ZDHHC21: variants seen among roughly 807,000 people sequenced by gnomAD.
ZDHHC21 encodes zDHHC palmitoyltransferase 21.
A neutral mutation model predicts 34.6 loss-of-function variants in ZDHHC21; 15 were observed. That is an observed-to-expected ratio of 0.43 (90% CI 0.29 to 0.67). ZDHHC21 has a LOEUF of 0.67. Among genes scored for constraint, ZDHHC21 ranks in the 30% least tolerant of loss-of-function variants. The pLI, the probability that ZDHHC21 is intolerant of heterozygous loss-of-function variation, is 0.14. For synonymous variants in ZDHHC21, 142 were observed against 101.8 expected, an observed-to-expected ratio of 1.40 and a Z score of -2.38; for missense variants, 344 against 327.7, an observed-to-expected ratio of 1.05 and a Z score of -0.38.
intron 6 of ZDHHC21, among the ~76,000 whole-genome samples, chr9:14,660,529 T>C (rs1833195505): frequency 6.6e-6 from 1 of 152,162 alleles, no homozygotes; most frequent in Non-Finnish European, 1.5e-5. Flanking sequence ...CAATTTACAC[T>C]GTACATTTCC....
At chr9:14,684,403 C>G (rs1837938850) in intron 2 of ZDHHC21, among the ~76,000 whole-genome samples, 1 of 147,988 alleles carries the variant, frequency 6.8e-6, no homozygotes, top group Non-Finnish European at 1.5e-5. Flanking sequence ...TCTTATACAC[C>G]AACAACAGAC....
chr9:14,678,621 T>G (rs576877211), intron 3 of ZDHHC21, among the ~76,000 whole-genome samples: 1 of 152,138 alleles, frequency 6.6e-6, no homozygotes, highest in Admixed American at 6.6e-5. Context: ...TTTGGCAGTA[T>G]GTATCAAAAG....
intron 8 of ZDHHC21, among the ~76,000 whole-genome samples, chr9:14,633,321 C>G (rs377263470): frequency 6.6e-6 from 1 of 152,134 alleles, no homozygotes; most frequent in Non-Finnish European, 1.5e-5. Flanking sequence ...CATGGAGAGG[C>G]TCCCCAGTGC....
rs535888950 is a variant in ZDHHC21, at chr9:14,640,906, T to TACCA, written c.505-898_505-895dup. ...AAAGCATTTCATTTACTCTCACTGT[T>TACCA]ACCAACCAACCAGACCAGAGGAAGG... On this transcript the variant is annotated intron_variant, in intron 7 of 9. Coordinates refer to ENST00000380916, the MANE Select transcript of ZDHHC21 (RefSeq NM_178566.6). Among the ~76,000 whole-genome samples the TACCA allele has an allele frequency of 2.5e-3, 382 of 152,248 alleles. 7 individuals are homozygous for TACCA. The highest frequency in any genetic ancestry group is 8.7e-3 in the African/African-American group (362 of 41,556).
intron 8 of ZDHHC21, among the ~76,000 whole-genome samples, chr9:14,637,697 T>A (rs1463028783): frequency 6.6e-6 from 1 of 151,870 alleles, no homozygotes; most frequent in African/African-American, 2.4e-5. Context: ...GGATACAAAA[T>A]CAGCATACAA....
intron 8 of ZDHHC21, among the ~76,000 whole-genome samples, chr9:14,636,393 G>C (rs1195664278): frequency 6.6e-6 from 1 of 152,122 alleles, no homozygotes; most frequent in Non-Finnish European, 1.5e-5. Flanking sequence ...CCCAACACCA[G>C]AGTACCCAGA....
intron 5 of ZDHHC21, 21 bp from the exon 6 acceptor site, chr9:14,662,347 T>C (rs768601199): frequency 8.9e-6 from 14 of 1,572,416 alleles, no homozygotes; most frequent in Non-Finnish European, 1.1e-5. Flanking sequence ...GAAATTAAAA[T>C]CCATTTAATG....
chr9:14,656,998 A>G (rs1009909635), intron 7 of ZDHHC21, among the ~76,000 whole-genome samples: 1 of 151,938 alleles, frequency 6.6e-6, no homozygotes, highest in African/African-American at 2.4e-5. Flanking sequence ...AAATATACAC[A>G]TATATGTCGT....
chr9:14,682,504 A>T (rs201147100), intron 2 of ZDHHC21, among the ~76,000 whole-genome samples: 7 of 152,110 alleles, frequency 4.6e-5, no homozygotes, highest in African/African-American at 9.7e-5. Flanking sequence ...CCTAAATATA[A>T]ATGCACCCAA....
At chr9:14,605,443 G>A in the ZDHHC21 span, among the ~76,000 whole-genome samples, 1 of 152,142 alleles carries the variant, frequency 6.6e-6, no homozygotes, top group Middle Eastern at 3.4e-3. Context: ...TAGTGATGTT[G>A]AGCATCCCTT....
chr9:14,692,826 G>A (rs1038815153), intron 1 of ZDHHC21, among the ~76,000 whole-genome samples: 4 of 143,704 alleles, frequency 2.8e-5, no homozygotes, highest in Non-Finnish European at 3.1e-5. Flanking sequence ...CGGGATCCCA[G>A]TGCAGGTCTC....
chr9:14,610,943 T>C (rs1229687745), downstream of ZDHHC21: 2 of 152,004 alleles, frequency 1.3e-5, no homozygotes, highest in Admixed American at 6.6e-5. Context: ...ATCCTAAGGC[T>C]AGTAATCATG....
At chr9:14,684,003 C>T (rs528848001) in intron 2 of ZDHHC21, among the ~76,000 whole-genome samples, 2 of 152,280 alleles carry the variant, frequency 1.3e-5, no homozygotes, top group South Asian at 2.1e-4. Flanking sequence ...ATTCAACAGC[C>T]CTTCATGCTA....
chr9:14,610,375 G>A (rs973550626), downstream of ZDHHC21, among the ~76,000 whole-genome samples: 1 of 151,754 alleles, frequency 6.6e-6, no homozygotes, highest in African/African-American at 2.4e-5. Flanking sequence ...TTTATCAGAA[G>A]GCAAACTTTC....
rs1823220179 is a variant in ZDHHC21, at chr9:14,611,085, A to G, written c.*7881T>C. 1.3e-5 allele frequency: 2 copies of G among 152,084 alleles called. No homozygotes were observed. Among genetic ancestry groups the G allele is most frequent in the African/African-American group, 2.4e-5 (1 of 41,458 alleles). The allele number at this position is 152,084 out of a possible 1,614,324, so 9.4% of individuals were successfully genotyped here. A position where few individuals can be genotyped will look rare whatever the true frequency, so the allele number is the denominator to read the frequency against. ...AAAAACAGTCCTACGTTTTTAAAAA[A>G]TATTTATTTAAAAATAAGATTTCAA... is the stretch of plus-strand genomic sequence containing the variant. On this transcript the variant is annotated 3_prime_UTR_variant, in exon 10 of 10. Transcript: ENST00000380916.
intron 7 of ZDHHC21, among the ~76,000 whole-genome samples, chr9:14,647,879 T>C (rs1587104361): frequency 1.3e-5 from 2 of 152,122 alleles, no homozygotes; most frequent in Non-Finnish European, 1.5e-5. Context: ...TTAAATATCA[T>C]CTTTATGCTG....
At chr9:14,646,562 C>A (rs1208191254) in intron 7 of ZDHHC21, among the ~76,000 whole-genome samples, 1 of 152,060 alleles carries the variant, frequency 6.6e-6, no homozygotes, top group Non-Finnish European at 1.5e-5. Flanking sequence ...TCTCTGATCT[C>A]ATCTACCACT....
chr9:14,658,990 A>C (rs1832874843), intron 6 of ZDHHC21, 103 bp from the exon 7 acceptor site: 1 of 1,186,522 alleles, frequency 8.4e-7, no homozygotes, highest in Non-Finnish European at 1.2e-6. Flanking sequence ...CATATGCTTA[A>C]CTTCATGGAG....
At chr9:14,690,467 A>AT (rs1312657771) in intron 1 of ZDHHC21, 82 bp from the exon 2 acceptor site, 1 of 416,400 alleles carries the variant, frequency 2.4e-6, no homozygotes, top group African/African-American at 2.1e-5. Context: ...TTAAAATAAA[A>AT]TTCACCAGTG....
Sources: gnomAD v4.1 joint callset for allele counts (sites outside exome capture counted in the v4.1 genomes callset) on GRCh38, gnomAD v4.1.1 for gene constraint, MANE v1.5 for transcripts, NCBI Gene and HGNC (gene_info 2026-07-23, HGNC 2026-07-21) for gene names.